The following PSMA2 variants were observed in gnomAD, a reference collection of about 807,000 sequenced individuals.
PSMA2 encodes proteasome subunit alpha type-2.
Under a neutral mutation model 35.9 loss-of-function variants are expected in PSMA2, and 2 were observed. That is an observed-to-expected ratio of 0.06 (90% CI 0.02 to 0.18). The LOEUF (loss-of-function observed/expected upper bound fraction) is 0.18, where lower values mean the gene tolerates loss of function less well. PSMA2 is among the 10% of genes least tolerant of loss of function. The probability of loss-of-function intolerance (pLI) is 1.00; values close to 1 mark genes in which losing one functional copy is unlikely to be tolerated. For missense variants in PSMA2, 126 were observed against 278.8 expected (o/e 0.45, Z 3.90); for synonymous variants, 97 against 98.2 (o/e 0.99, Z 0.07).
At chr7:42,926,956 G>A (rs535981430) in intron 2 of PSMA2, among the ~76,000 whole-genome samples, 6 of 152,284 alleles carry the variant, frequency 3.9e-5, no homozygotes, top group African/African-American at 1.4e-4. Flanking sequence ...TAAAATAAGG[G>A]ATTTCTGTCT....
chr7:42,928,510 C>G (rs774502702), intron 1 of PSMA2, among the ~76,000 whole-genome samples: 4 of 152,158 alleles, frequency 2.6e-5, no homozygotes, highest in Non-Finnish European at 5.9e-5. Context: ...GATTTGGTAG[C>G]TAAACGCAAG....
At chr7:42,925,734 C>T (rs532521056) in intron 3 of PSMA2, among the ~76,000 whole-genome samples, 1 of 152,312 alleles carries the variant, frequency 6.6e-6, no homozygotes. Flanking sequence ...CTCTGTGTGA[C>T]AGTCATGTCC....
chr7:42,918,014 G>A, intron 6 of PSMA2, 179 bp from the exon 7 acceptor site: 1 of 474,902 alleles, frequency 2.1e-6, no homozygotes, highest in East Asian at 3.3e-5. Context: ...GACAATATCT[G>A]GTGCTCAATT....
At chr7:42,928,366 G>A (rs1310289588) in intron 1 of PSMA2, among the ~76,000 whole-genome samples, 2 of 152,178 alleles carry the variant, frequency 1.3e-5, no homozygotes, top group Admixed American at 1.3e-4. Flanking sequence ...TCAGGTCGGA[G>A]GGTGGTTTTA....
chr7:42,927,122 CAA>C (rs1174171534), intron 2 of PSMA2, among the ~76,000 whole-genome samples: 4 of 41,606 alleles, frequency 9.6e-5, no homozygotes, highest in African/African-American at 1.4e-4. Context: ...AGTGGAAAAA[CAA>C]AAAAAGAACT....
intron 1 of PSMA2, among the ~76,000 whole-genome samples, chr7:42,930,740 C>T (rs920779397): frequency 1.3e-5 from 2 of 151,806 alleles, no homozygotes; most frequent in Admixed American, 6.6e-5. Context: ...GTGGTGCACA[C>T]CTCTAGTCCC....
chr7:42,930,188 G>C (rs898207516), intron 1 of PSMA2, among the ~76,000 whole-genome samples: 1 of 145,314 alleles, frequency 6.9e-6, no homozygotes, highest in Non-Finnish European at 1.5e-5. Context: ...TCTAAAACAG[G>C]TGAATCCACC....
intron 6 of PSMA2, chr7:42,919,341 A>G (rs1389164228): frequency 3.5e-6 from 2 of 579,292 alleles, no homozygotes; most frequent in East Asian, 4.5e-5. Flanking sequence ...CCTGGCTCAT[A>G]AACACATTAT....
intron 6 of PSMA2, chr7:42,920,025 G>A (rs891923330): frequency 1.0e-5 from 7 of 691,220 alleles, no homozygotes; most frequent in Middle Eastern, 2.9e-4. Flanking sequence ...CAAGAGAAGA[G>A]CTAGAAGAAA....
intron 1 of PSMA2, among the ~76,000 whole-genome samples, chr7:42,928,676 T>C (rs915018796): frequency 6.6e-6 from 1 of 152,158 alleles, no homozygotes; most frequent in African/African-American, 2.4e-5. Context: ...CTAATGAAAA[T>C]ATAAATTTCA....
chr7:42,928,982 A>AT (rs111337468), intron 1 of PSMA2, among the ~76,000 whole-genome samples: 40 of 145,438 alleles, frequency 2.8e-4, no homozygotes, highest in Non-Finnish European at 2.9e-4. Flanking sequence ...CTGAATTGTT[A>AT]TTTTTTTTTT....
intron 5 of PSMA2, among the ~76,000 whole-genome samples, chr7:42,922,542 C>G (rs971248670): frequency 6.6e-5 from 10 of 152,098 alleles, no homozygotes; most frequent in African/African-American, 2.2e-4. Context: ...CTGCTACCTT[C>G]TGGAAAGGAA....
In PSMA2 at chr7:42,919,848, C is replaced by A. The variant is rs756745928; in HGVS notation, c.530+2010G>T. 1.2e-5 allele frequency: 9 copies of A among 745,788 alleles called. No homozygotes were observed. In the Admixed American group the frequency reaches 1.6e-4, roughly 13 times the overall value. 46.2% of individuals were successfully genotyped at this position (745,788 alleles called of 1,614,324 possible). On this transcript the variant is annotated intron_variant, in intron 6 of 7. Transcript: ENST00000223321. ...CTACAAAGGACACTCTGGTCCTATTCACTGTGTGAGATTTGATCCTGATGG... is the reference window on the plus strand; with the variant it reads ...CTACAAAGGACACTCTGGTCCTATTAACTGTGTGAGATTTGATCCTGATGG...
At chr7:42,931,113 T>C in intron 1 of PSMA2, 1 of 444,936 alleles carries the variant, frequency 2.2e-6, no homozygotes, top group South Asian at 1.6e-5. Flanking sequence ...CTTAGACAAG[T>C]TGTTTAATTT....
At chr7:42,924,586 G>T in intron 4 of PSMA2, 89 bp downstream of exon 4, 3 of 1,289,626 alleles carry the variant, frequency 2.3e-6, no homozygotes, top group Non-Finnish European at 2.1e-6. Context: ...ATACAGAAAT[G>T]GTAAGTCCCA....
At chr7:42,932,049 G>C (rs1786323041) in intron 1 of PSMA2, 69 bp downstream of exon 1, 2 of 1,598,460 alleles carry the variant, frequency 1.3e-6, no homozygotes, top group Non-Finnish European at 8.6e-7. Context: ...CGTCAGGATG[G>C]GAAAAACTAA....
intron 1 of PSMA2, among the ~76,000 whole-genome samples, chr7:42,930,852 A>C (rs377717548): frequency 2.6e-5 from 4 of 152,038 alleles, no homozygotes; most frequent in African/African-American, 9.7e-5. Context: ...TTTCTTCATA[A>C]ATAGGAACAG....
Position 42,923,201 on chromosome 7 carries a change from T to C in PSMA2, c.456+124A>G, listed in dbSNP as rs376872258. On this transcript the variant is annotated intron_variant, in intron 5 of 7. Transcript: ENST00000223321. ...ACACAAAAATGCACAACCTCATACT[T>C]TCTAAAGCCCAAGAGAAAAGAAGAA... 4.6e-5 allele frequency: 35 copies of C among 768,418 alleles called. No individual in the cohort carries two copies. The East Asian group carries it at 6.1e-4, about 13-fold the overall frequency. The allele number at this position is 768,418 out of a possible 1,614,324, so 47.6% of individuals were successfully genotyped here.
chr7:42,931,283 T>G, intron 1 of PSMA2: 1 of 282,366 alleles, frequency 3.5e-6, no homozygotes, highest in Non-Finnish European at 7.2e-6. Context: ...TTAAGTAAAC[T>G]GGGCATTACT....
Sources: allele counts gnomAD v4.1 joint callset (sites outside exome capture counted in the v4.1 genomes callset), GRCh38; gene constraint gnomAD v4.1.1; transcripts MANE v1.5; gene names NCBI Gene and HGNC (gene_info 2026-07-23, HGNC 2026-07-21).